CHRNA9: variants seen among roughly 807,000 people sequenced by gnomAD.
The protein encoded by CHRNA9 is cholinergic receptor nicotinic alpha 9 subunit.
Under a neutral mutation model 36.8 loss-of-function variants are expected in CHRNA9, and 24 were observed. That is an observed-to-expected ratio of 0.65 (90% CI 0.47 to 0.92). The LOEUF (loss-of-function observed/expected upper bound fraction) is 0.92. CHRNA9 is among the 40% of genes least tolerant of loss of function. The pLI, the probability that CHRNA9 is intolerant of heterozygous loss-of-function variation, is 0.00. For missense variants in CHRNA9, 610 were observed against 601.2 expected, an observed-to-expected ratio of 1.01 and a Z score of -0.15; for synonymous variants, 231 against 231.8, an observed-to-expected ratio of 1.00 and a Z score of 0.03.
In CHRNA9 at chr4:40,353,979, G is replaced by A; in HGVS notation, c.899G>A (p.Gly300Asp). ...MPASENVPLI[G>D]KYYIATMALI... ...GTTACGGTTGTTATTTTAATTCCAG[G>A]TAAATACTACATAGCCACGATGGCC... The change falls in exon 5 of 5, where the codon GGT becomes GAT. Residue 300 changes from glycine to aspartate, a missense_variant and splice_region_variant. Gly to Asp is a moderately conservative substitution (Grantham distance 94). Transcript: ENST00000310169. The A allele has an allele frequency of 6.3e-7, 1 of 1,583,286 alleles. No homozygotes were observed. Among genetic ancestry groups the A allele is most frequent in the South Asian group, 1.1e-5 (1 of 88,470 alleles).
Position 40,354,432 on chromosome 4 carries a change from T to G in CHRNA9, c.1352T>G (p.Val451Gly). 6.2e-7 allele frequency: 1 copy of G among 1,614,082 alleles called. No individual in the cohort carries two copies. Among genetic ancestry groups the G allele is most frequent in the African/African-American group, 1.3e-5 (1 of 75,028 alleles). Residue 451 changes from valine (V) to glycine (G), a missense_variant, in exon 5 of 5, where the codon GTG becomes GGG. Val to Gly is a moderately radical substitution (Grantham distance 109). Coordinates refer to ENST00000310169, the MANE Select transcript of CHRNA9 (RefSeq NM_017581.4). Reference sequence around the variant, plus strand: ...TCCAAGGGGAGTGAATGGAAGAAGGTGGCGAAAGTCATAGACCGATTCTTC... The same window carrying G: ...TCCAAGGGGAGTGAATGGAAGAAGGGGGCGAAAGTCATAGACCGATTCTTC... ...TNSKGSEWKK[V>G]AKVIDRFFMW...
In CHRNA9 at chr4:40,348,958, C is replaced by G. The variant is rs373261640; in HGVS notation, c.442C>G (p.Pro148Ala). 63 of 1,614,072 alleles carry G rather than the reference C, an allele frequency of 3.9e-5. No individual in the cohort carries two copies. The highest frequency in any genetic ancestry group is 5.3e-5 in the Non-Finnish European group (62 of 1,180,032). Residue 148 changes from proline (P) to alanine (A), a missense_variant, in exon 4 of 5, where the codon CCG becomes GCG. Coordinates refer to ENST00000310169, the MANE Select transcript of CHRNA9 (RefSeq NM_017581.4). ...TGATGGGCTGATCACCTGGGATGCA[C>G]CGGCCATCACCAAAAGCTCCTGTGT... ...RYDGLITWDA[P>A]AITKSSCVVD...
At chr4:40,341,308 G>T (rs56323965) in intron 3 of CHRNA9, among the ~76,000 whole-genome samples, 1,599 of 151,590 alleles carry the variant, frequency 0.011, 28 homozygotes, top group African/African-American at 0.037. Flanking sequence ...GGGTGGTGGC[G>T]GTAGTTTGCT....
At chr4:40,344,452 T>A (rs1263914055) in intron 3 of CHRNA9, among the ~76,000 whole-genome samples, 2 of 151,716 alleles carry the variant, frequency 1.3e-5, no homozygotes, top group African/African-American at 4.9e-5. Flanking sequence ...GAGAATTGCT[T>A]GAATCCAGGA....
chr4:40,342,645 T>C (rs1451026156), intron 3 of CHRNA9, among the ~76,000 whole-genome samples: 2 of 152,172 alleles, frequency 1.3e-5, no homozygotes, highest in African/African-American at 4.8e-5. Flanking sequence ...TTTGCCTAGT[T>C]GTACTTGTCG....
intron 3 of CHRNA9, among the ~76,000 whole-genome samples, chr4:40,348,476 G>A (rs1488338676): frequency 6.9e-6 from 1 of 144,440 alleles, no homozygotes; most frequent in Admixed American, 7.0e-5. Flanking sequence ...ATTGCTTAAA[G>A]GCATGACCCC....
intron 3 of CHRNA9, among the ~76,000 whole-genome samples, chr4:40,345,108 G>A (rs1301120177): frequency 6.6e-6 from 1 of 152,160 alleles, no homozygotes; most frequent in Non-Finnish European, 1.5e-5. Context: ...AAAGTGAGGT[G>A]GGAATAGATC....
intron 3 of CHRNA9, among the ~76,000 whole-genome samples, chr4:40,342,654 C>T (rs906415905): frequency 5.9e-5 from 9 of 151,920 alleles, no homozygotes; most frequent in African/African-American, 2.2e-4. Flanking sequence ...TTGTACTTGT[C>T]GGAAAGACAT....
intron 2 of CHRNA9, 97 bp from the exon 3 acceptor site, chr4:40,337,113 T>A: frequency 9.3e-7 from 1 of 1,077,976 alleles, no homozygotes; most frequent in Non-Finnish European, 1.4e-6. Context: ...ATTTGATGAG[T>A]GTTTGTGAAA....
chr4:40,354,882 C>T lies in CHRNA9; in HGVS notation c.*362C>T, dbSNP rs56291234. On this transcript the variant is annotated 3_prime_UTR_variant, in exon 5 of 5. Coordinates refer to ENST00000310169, the MANE Select transcript of CHRNA9 (RefSeq NM_017581.4). ...GGCAAAACAAAACAAACTCATTTTC[C>T]CCTTAGTTCCCATTAAAATATGCAT... 0.09 allele frequency: 16,271 copies of T among 179,834 alleles called. 1,424 individuals are homozygous for T. Among genetic ancestry groups the T allele is most frequent in the African/African-American group, 0.23 (9,834 of 42,256 alleles). 11.1% of individuals were successfully genotyped at this position (179,834 alleles called of 1,614,324 possible).
chr4:40,343,056 C>T (rs928750303), intron 3 of CHRNA9, among the ~76,000 whole-genome samples: 1 of 152,200 alleles, frequency 6.6e-6, no homozygotes, highest in Non-Finnish European at 1.5e-5. Flanking sequence ...AGGTTCCAGG[C>T]ACTCTGGGGA....
chr4:40,354,618 G>A lies in CHRNA9; in HGVS notation c.*98G>A. On this transcript the variant is annotated 3_prime_UTR_variant, in exon 5 of 5. Coordinates refer to ENST00000310169, the MANE Select transcript of CHRNA9 (RefSeq NM_017581.4). ...AGATTTTTGTTCATCTATAATTTAG[G>A]GGTTATGTTGTCTGTGCTTTTTATT... 1.0e-6 allele frequency: 1 copy of A among 997,600 alleles called. No homozygotes were observed. The highest frequency in any genetic ancestry group is 1.5e-6 in the Non-Finnish European group (1 of 671,400). The allele number at this position is 997,600 out of a possible 1,614,324, so 61.8% of individuals were successfully genotyped here.
intron 3 of CHRNA9, among the ~76,000 whole-genome samples, chr4:40,341,724 T>C (rs1197620858): frequency 6.6e-6 from 1 of 152,324 alleles, no homozygotes; most frequent in East Asian, 1.9e-4. Context: ...GAGCATTTAT[T>C]GTTTCTTTCA....
In CHRNA9 at chr4:40,353,977, AG is replaced by A. The variant is rs758534411; in HGVS notation, c.899del. ...CAGTTACGGTTGTTATTTTAATTCCAGGTAAATACTACATAGCCACGATGGC... is the reference window on the plus strand; with the variant it reads ...CAGTTACGGTTGTTATTTTAATTCCAGTAAATACTACATAGCCACGATGGC... On this transcript the variant is annotated splice_acceptor_variant, in intron 4 of 4. Transcript: ENST00000310169. LOFTEE classifies it high-confidence loss of function. 6.3e-7 allele frequency: 1 copy of A among 1,576,040 alleles called. No individual in the cohort carries two copies. Among genetic ancestry groups the A allele is most frequent in the East Asian group, 2.3e-5 (1 of 44,306 alleles).
intron 4 of CHRNA9, among the ~76,000 whole-genome samples, chr4:40,350,262 T>C (rs560034219): frequency 5.1e-4 from 77 of 152,286 alleles, no homozygotes; most frequent in African/African-American, 1.8e-3. Context: ...TTTGGGAATC[T>C]GAGGTGATTC....
At chr4:40,336,093 G>T in intron 2 of CHRNA9, 121 bp downstream of exon 2, 1 of 817,198 alleles carries the variant, frequency 1.2e-6, no homozygotes, top group African/African-American at 1.7e-5. Context: ...AAGCAAGCTG[G>T]TGGGAGAAGA....
rs746000592 is a variant in CHRNA9, at chr4:40,335,494, CT to C, written c.31del (p.Cys11AlafsTer10). 6.2e-7 allele frequency: 1 copy of C among 1,613,704 alleles called. No homozygotes were observed. Among genetic ancestry groups the C allele is most frequent in the South Asian group, 1.1e-5 (1 of 91,068 alleles). On this transcript the variant is annotated frameshift_variant, in exon 1 of 5. Coordinates refer to ENST00000310169, the MANE Select transcript of CHRNA9 (RefSeq NM_017581.4). LOFTEE classifies it high-confidence loss of function. ...TGAACTGGTCCCATTCCTGCATCTC[CT>C]TTTGCTGGATCTACTTTGCTGCTTC... The part of the protein sequence containing the change: MNWSHSCIS[F>X]CWIYFAASRL...
At chr4:40,340,488 C>G (rs926846852) in intron 3 of CHRNA9, among the ~76,000 whole-genome samples, 2 of 151,996 alleles carry the variant, frequency 1.3e-5, no homozygotes, top group African/African-American at 4.8e-5. Flanking sequence ...AAAGAAGGGC[C>G]CTTAGTCATG....
In CHRNA9 at chr4:40,348,875, C is replaced by T; in HGVS notation, c.366-7C>T. On this transcript the variant is annotated splice_polypyrimidine_tract_variant and splice_region_variant and intron_variant, in intron 3 of 4. Coordinates refer to ENST00000310169, the MANE Select transcript of CHRNA9 (RefSeq NM_017581.4). The stretch of plus-strand genomic sequence containing the variant: ...TGCGGCTTTCATTTTCCTTATCTGA[C>T]CTTCAGGGCTGATGATGAATCTTCA... 2 of 1,607,400 alleles carry T rather than the reference C, an allele frequency of 1.2e-6. No individual in the cohort carries two copies. Among genetic ancestry groups the T allele is most frequent in the African/African-American group, 2.7e-5 (2 of 74,876 alleles).
Sources: allele counts gnomAD v4.1 joint callset (sites outside exome capture counted in the v4.1 genomes callset), GRCh38; gene constraint gnomAD v4.1.1; transcripts MANE v1.5; gene names NCBI Gene and HGNC (gene_info 2026-07-23, HGNC 2026-07-21).